The following PPP4R2 variants were observed in gnomAD, a reference collection of about 807,000 sequenced individuals.
PPP4R2 encodes the protein protein phosphatase 4 regulatory subunit 2.
Under a neutral mutation model 47.2 loss-of-function variants are expected in PPP4R2, and 13 were observed. The ratio of observed to expected loss-of-function variants is 0.28; its 90% confidence interval spans 0.18 to 0.44. PPP4R2 has a LOEUF of 0.44. Ranked by LOEUF, PPP4R2 falls within the 20% of genes least tolerant of loss-of-function variation. The pLI is 1.00. For missense variants in PPP4R2, 421 were observed against 491.2 expected (o/e 0.86, Z 1.35); for synonymous variants, 151 against 163.3 (o/e 0.92, Z 0.57).
At chr3:73,060,097 G>A (rs183997238) in intron 4 of PPP4R2, among the ~76,000 whole-genome samples, 9 of 152,102 alleles carry the variant, frequency 5.9e-5, no homozygotes, top group African/African-American at 2.2e-4. Flanking sequence ...TGGTTGGTCC[G>A]GAAACACTCC....
intron 2 of PPP4R2, among the ~76,000 whole-genome samples, chr3:73,000,042 G>A (rs1208893559): frequency 2.0e-5 from 3 of 152,294 alleles, no homozygotes; most frequent in South Asian, 4.2e-4. Flanking sequence ...AAAATTTAAA[G>A]AACAGCAATT....
intron 2 of PPP4R2, among the ~76,000 whole-genome samples, chr3:73,008,287 T>G (rs1361078601): frequency 6.6e-6 from 1 of 152,206 alleles, no homozygotes; most frequent in Non-Finnish European, 1.5e-5. Context: ...AGATGCCCTT[T>G]TGCTTCTGTA....
intron 2 of PPP4R2, among the ~76,000 whole-genome samples, chr3:73,033,326 A>G (rs1347083877): frequency 6.6e-6 from 1 of 152,082 alleles, no homozygotes; most frequent in Non-Finnish European, 1.5e-5. Context: ...TTTGTATGTG[A>G]CCTGGTTTAT....
chr3:73,041,630 A>G (rs934469253), intron 2 of PPP4R2, among the ~76,000 whole-genome samples: 4 of 152,180 alleles, frequency 2.6e-5, no homozygotes, highest in South Asian at 2.1e-4. Context: ...AGTATTTGCT[A>G]TCCTTTGGAG....
intron 2 of PPP4R2, 109 bp from the exon 3 acceptor site, chr3:73,047,077 A>G: frequency 3.2e-6 from 2 of 623,540 alleles, no homozygotes; most frequent in Non-Finnish European, 2.7e-6. Context: ...AATTATTCAC[A>G]TCTTAATTTT....
At chr3:73,029,879 G>A (rs1183640820) in intron 2 of PPP4R2, among the ~76,000 whole-genome samples, 1 of 152,220 alleles carries the variant, frequency 6.6e-6, no homozygotes, top group African/African-American at 2.4e-5. Flanking sequence ...GTAAAATATT[G>A]TTAGTGAGAC....
At position 73,014,040 on chromosome 3, in the gene PPP4R2, T is replaced by G. The variant is rs942324857; in HGVS notation, c.116+15882T>G. ...TTGGGTGTTCTTTATTTAACCTGTCTTCTTTGATGGTTTTTTGGGCAGTTT... is the reference window on the plus strand; with the variant it reads ...TTGGGTGTTCTTTATTTAACCTGTCGTCTTTGATGGTTTTTTGGGCAGTTT... On this transcript the variant is annotated intron_variant, in intron 2 of 8. Coordinates refer to ENST00000356692, the MANE Select transcript of PPP4R2 (RefSeq NM_174907.4). Among the ~76,000 whole-genome samples the G allele has an allele frequency of 3.8e-5, 5 of 130,560 alleles. 2 individuals carry two copies. Among genetic ancestry groups the G allele is most frequent in the African/African-American group, 5.3e-5 (2 of 37,448 alleles). The allele number at this position is 130,560 out of a possible 152,430, so 85.7% of individuals were successfully genotyped here.
At position 73,067,964 on chromosome 3, in the gene PPP4R2, A is replaced by G. The variant is rs1268004719; in HGVS notation, c.*2242A>G. 6.6e-6 allele frequency: 1 copy of G among 152,202 alleles called. No individual in the cohort carries two copies. Among genetic ancestry groups the G allele is most frequent in the Non-Finnish European group, 1.5e-5 (1 of 68,018 alleles). The allele number at this position is 152,202 out of a possible 1,614,324, so 9.4% of individuals were successfully genotyped here. Reference sequence around the variant, plus strand: ...ATATTCATATGTTGATCATAGATCAAACTTGTTGCTGTTTATACAGATAAT... The same window carrying G: ...ATATTCATATGTTGATCATAGATCAGACTTGTTGCTGTTTATACAGATAAT... On this transcript the variant is annotated 3_prime_UTR_variant, in exon 9 of 9. Transcript: ENST00000356692.
intron 2 of PPP4R2, among the ~76,000 whole-genome samples, chr3:73,035,859 G>T (rs1039619482): frequency 6.6e-6 from 1 of 151,902 alleles, no homozygotes; most frequent in Non-Finnish European, 1.5e-5. Context: ...CTCCTGATCC[G>T]CCCACCTCTG....
chr3:72,999,081 A>C (rs921956061), intron 2 of PPP4R2, among the ~76,000 whole-genome samples: 1 of 152,200 alleles, frequency 6.6e-6, no homozygotes, highest in Non-Finnish European at 1.5e-5. Flanking sequence ...AACTAGCCTA[A>C]TTTTAGAAAG....
At chr3:73,031,912 C>T (rs1438452081) in intron 2 of PPP4R2, among the ~76,000 whole-genome samples, 1 of 152,180 alleles carries the variant, frequency 6.6e-6, no homozygotes, top group Non-Finnish European at 1.5e-5. Context: ...TTTTGCTAAG[C>T]ACTTTGCTTA....
intron 2 of PPP4R2, among the ~76,000 whole-genome samples, chr3:73,037,225 G>A (rs1702280830): frequency 6.6e-6 from 1 of 152,140 alleles, no homozygotes; most frequent in Non-Finnish European, 1.5e-5. Context: ...AGTGATTCAT[G>A]AGATTTTAAT....
intron 2 of PPP4R2, among the ~76,000 whole-genome samples, chr3:73,034,660 G>GT (rs1466797196): frequency 1.3e-5 from 2 of 151,992 alleles, no homozygotes; most frequent in Non-Finnish European, 2.9e-5. Flanking sequence ...AGCCTCCCAG[G>GT]TAGCTAGGAT....
chr3:73,041,446 CTCAG>C (rs1702377585), intron 2 of PPP4R2, among the ~76,000 whole-genome samples: 1 of 152,096 alleles, frequency 6.6e-6, no homozygotes, highest in African/African-American at 2.4e-5. Flanking sequence ...TTTTGTTTGC[CTCAG>C]TCATATAATT....
intron 3 of PPP4R2, among the ~76,000 whole-genome samples, chr3:73,050,076 C>T (rs1575878334): frequency 6.6e-6 from 1 of 151,974 alleles, no homozygotes; most frequent in Admixed American, 6.6e-5. Flanking sequence ...GAGTAGCTGG[C>T]ATTACAGGGT....
chr3:73,060,383 C>T (rs1303731821), intron 4 of PPP4R2, among the ~76,000 whole-genome samples: 1 of 152,062 alleles, frequency 6.6e-6, no homozygotes, highest in Non-Finnish European at 1.5e-5. Flanking sequence ...TACCAGGTGC[C>T]CTGCCTTTAA....
At chr3:73,009,409 C>T (rs1701678184) in intron 2 of PPP4R2, among the ~76,000 whole-genome samples, 1 of 152,170 alleles carries the variant, frequency 6.6e-6, no homozygotes, top group African/African-American at 2.4e-5. Flanking sequence ...GTCACCACTA[C>T]TACTAAACTC....
At chr3:73,056,668 G>C (rs1267496034) in intron 3 of PPP4R2, among the ~76,000 whole-genome samples, 2 of 152,006 alleles carry the variant, frequency 1.3e-5, no homozygotes, top group Admixed American at 1.3e-4. Context: ...ACTTAAACTC[G>C]TTTTATCATT....
rs1181143385 is a variant in PPP4R2 at position 73,002,633 on chromosome 3, TC to T, written c.116+4476del. Reference sequence around the variant, plus strand: ...TCTTTTCTTTTCTTTTCTTTTCTTTTCTTTTTTTTTTTTTTTTTTTTTTTTT... The same window carrying T: ...TCTTTTCTTTTCTTTTCTTTTCTTTTTTTTTTTTTTTTTTTTTTTTTTTTT... On this transcript the variant is annotated intron_variant, in intron 2 of 8. Coordinates refer to ENST00000356692, the MANE Select transcript of PPP4R2 (RefSeq NM_174907.4). Among the ~76,000 whole-genome samples the T allele has an allele frequency of 9.1e-4, 74 of 81,238 alleles. 2 individuals carry two copies. Among genetic ancestry groups the T allele is most frequent in the African/African-American group, 4.5e-3 (73 of 16,308 alleles). 53.3% of individuals were successfully genotyped at this position (81,238 alleles called of 152,430 possible). A position where few individuals can be genotyped will look rare whatever the true frequency, so the allele number is the denominator to read the frequency against.
Sources: allele counts gnomAD v4.1 joint callset (sites outside exome capture counted in the v4.1 genomes callset), GRCh38; gene constraint gnomAD v4.1.1; transcripts MANE v1.5; gene names NCBI Gene and HGNC (gene_info 2026-07-23, HGNC 2026-07-21).